The following ZNF804B variants were observed in gnomAD, a reference collection of about 807,000 sequenced individuals.
ZNF804B encodes the protein zinc finger 804B.
In ZNF804B, 80 loss-of-function variants were observed where a neutral mutation model predicts 101.4. The observed-to-expected ratio is 0.79, with a 90% CI of 0.66 to 0.95. ZNF804B has a LOEUF of 0.95. Among genes scored for constraint, ZNF804B ranks in the 40% least tolerant of loss-of-function variants. The pLI, the probability that ZNF804B is intolerant of heterozygous loss-of-function variation, is 0.00. For synonymous variants in ZNF804B, 622 were observed against 558.8 expected (o/e 1.11, Z -1.59); for missense variants, 1,673 against 1,561.9 (o/e 1.07, Z -1.20).
chr7:89,091,868 C>T (rs773188208), intron 1 of ZNF804B, among the ~76,000 whole-genome samples: 63 of 152,136 alleles, frequency 4.1e-4, no homozygotes, highest in Non-Finnish European at 4.4e-4. Context: ...TCTTGTTTTA[C>T]CTCCTTGAGA....
At chr7:89,195,105 T>A (rs1334995605) in intron 1 of ZNF804B, among the ~76,000 whole-genome samples, 24 of 151,278 alleles carry the variant, frequency 1.6e-4, no homozygotes, top group African/African-American at 5.8e-4. Context: ...ATTATCTCAA[T>A]AGATGCAGAA....
intron 1 of ZNF804B, among the ~76,000 whole-genome samples, chr7:88,974,365 G>A (rs1793583446): frequency 6.6e-6 from 1 of 151,262 alleles, no homozygotes; most frequent in Non-Finnish European, 1.5e-5. Flanking sequence ...TGTTAAGAAA[G>A]TGGATGTAAA....
intron 1 of ZNF804B, among the ~76,000 whole-genome samples, chr7:88,830,384 T>C (rs1479659863): frequency 6.6e-6 from 1 of 152,016 alleles, no homozygotes; most frequent in African/African-American, 2.4e-5. Flanking sequence ...TATAGACAAA[T>C]ACAAATCACT....
chr7:89,257,886 ACT>A (rs1188877599), intron 2 of ZNF804B, among the ~76,000 whole-genome samples: 4 of 151,440 alleles, frequency 2.6e-5, no homozygotes, highest in African/African-American at 9.7e-5. Context: ...TCCTGTAATC[ACT>A]CTTTTTTTTC....
Position 89,052,003 on chromosome 7 carries a change from A to G in ZNF804B, c.109-166152A>G, listed in dbSNP as rs538035687. Among the ~76,000 whole-genome samples the G allele has an allele frequency of 2.8e-4, 42 of 152,302 alleles. 2 individuals carry two copies. In the South Asian group the frequency reaches 8.3e-3, roughly 30 times the overall value. Reference sequence around the variant, plus strand: ...TTTGTTTGTCTTTGAACTTTGGGATATCTTTCATTTTACCAACTTAAAGGT... The same window carrying G: ...TTTGTTTGTCTTTGAACTTTGGGATGTCTTTCATTTTACCAACTTAAAGGT... On this transcript the variant is annotated intron_variant, in intron 1 of 3. Transcript: ENST00000333190.
chr7:88,856,048 A>G (rs1184766875), intron 1 of ZNF804B, among the ~76,000 whole-genome samples: 1 of 152,162 alleles, frequency 6.6e-6, no homozygotes, highest in African/African-American at 2.4e-5. Context: ...TGATGCCTCC[A>G]GCTTTGTTCT....
intron 1 of ZNF804B, among the ~76,000 whole-genome samples, chr7:88,845,141 C>T (rs902886687): frequency 2.0e-5 from 3 of 152,168 alleles, no homozygotes; most frequent in African/African-American, 7.2e-5. Flanking sequence ...AAGCATGTAG[C>T]AATAGCTCTT....
chr7:89,083,193 T>C (rs1203657799), intron 1 of ZNF804B, among the ~76,000 whole-genome samples: 2 of 151,774 alleles, frequency 1.3e-5, no homozygotes, highest in African/African-American at 4.8e-5. Context: ...TTCTGCTAAT[T>C]AACCTAGAAA....
chr7:89,278,083 C>G (rs1447985433), intron 2 of ZNF804B, among the ~76,000 whole-genome samples: 1 of 152,178 alleles, frequency 6.6e-6, no homozygotes, highest in Non-Finnish European at 1.5e-5. Flanking sequence ...TTTTGATTTG[C>G]ATTTCTCTGA....
intron 2 of ZNF804B, among the ~76,000 whole-genome samples, chr7:89,238,259 T>C (rs79772959): frequency 0.044 from 6,663 of 152,212 alleles, 467 homozygotes; most frequent in African/African-American, 0.15. Flanking sequence ...AACTGATGTC[T>C]GATGTTGATT....
intron 1 of ZNF804B, among the ~76,000 whole-genome samples, chr7:89,202,384 A>G (rs1284428997): frequency 6.6e-6 from 1 of 152,072 alleles, no homozygotes; most frequent in Non-Finnish European, 1.5e-5. Context: ...GCAAAACTCT[A>G]AATGCATTTT....
Position 88,943,085 on chromosome 7 carries a change from A to T in ZNF804B, c.108+183001A>T, listed in dbSNP as rs73705596. Among the ~76,000 whole-genome samples, 438 of 152,036 alleles carry T rather than the reference A, an allele frequency of 2.9e-3. 4 individuals carry two copies. Among genetic ancestry groups the T allele is most frequent in the African/African-American group, 0.01 (417 of 41,562 alleles). On this transcript the variant is annotated intron_variant, in intron 1 of 3. Transcript: ENST00000333190. ...AAACCACAATCAGAAAACCCCTAGT[A>T]ATTATAATAGAACAAATTAAAAAGA...
intron 1 of ZNF804B, among the ~76,000 whole-genome samples, chr7:88,991,737 G>C (rs1049168248): frequency 1.3e-5 from 2 of 152,092 alleles, no homozygotes; most frequent in Non-Finnish European, 2.9e-5. Context: ...TTGTCCTTCA[G>C]TTCTTTCCTG....
At chr7:89,235,997 T>C (rs1789272963) in intron 2 of ZNF804B, among the ~76,000 whole-genome samples, 1 of 152,174 alleles carries the variant, frequency 6.6e-6, no homozygotes, top group Non-Finnish European at 1.5e-5. Flanking sequence ...ACCATATATC[T>C]GTTTTCAAAG....
intron 1 of ZNF804B, among the ~76,000 whole-genome samples, chr7:89,039,621 G>GA (rs1437973342): frequency 6.7e-6 from 1 of 148,466 alleles, no homozygotes; most frequent in African/African-American, 2.5e-5. Context: ...TCTAAAAACA[G>GA]AAAAAATTTA....
rs906064035 is a variant in ZNF804B, at chr7:88,783,498, A to G, written c.108+23414A>G. On this transcript the variant is annotated intron_variant, in intron 1 of 3. Coordinates refer to ENST00000333190, the MANE Select transcript of ZNF804B (RefSeq NM_181646.5). ...TTAGTGTGATGTCTTCATCCATAAT[A>G]TCTTAGAGGTATGATAGTCATATTT... Among the ~76,000 whole-genome samples, 96 of 152,162 alleles carry G rather than the reference A, an allele frequency of 6.3e-4. 1 individual carries two copies. Among genetic ancestry groups the G allele is most frequent in the African/African-American group, 2.2e-3 (90 of 41,442 alleles).
intron 1 of ZNF804B, among the ~76,000 whole-genome samples, chr7:88,931,473 C>T (rs1792884385): frequency 1.3e-5 from 2 of 151,914 alleles, no homozygotes; most frequent in South Asian, 2.1e-4. Context: ...AAGGCTGCAT[C>T]TGCCATCATG....
At chr7:88,885,610 A>G (rs1026707528) in intron 1 of ZNF804B, among the ~76,000 whole-genome samples, 3 of 150,252 alleles carry the variant, frequency 2.0e-5, no homozygotes, top group African/African-American at 7.4e-5. Flanking sequence ...AACATACTAG[A>G]TATGAAAAAT....
At chr7:89,174,576 T>C (rs1791290054) in intron 1 of ZNF804B, among the ~76,000 whole-genome samples, 1 of 152,054 alleles carries the variant, frequency 6.6e-6, no homozygotes, top group Non-Finnish European at 1.5e-5. Flanking sequence ...AGGTATCTCT[T>C]CAACATACTC....
Sources: gnomAD v4.1 joint callset for allele counts (sites outside exome capture counted in the v4.1 genomes callset) on GRCh38, gnomAD v4.1.1 for gene constraint, MANE v1.5 for transcripts, NCBI Gene and HGNC (gene_info 2026-07-23, HGNC 2026-07-21) for gene names.